The following PPARA variants were observed in gnomAD, a reference collection of about 807,000 sequenced individuals.
PPARA encodes the protein peroxisome proliferator activated receptor alpha.
In PPARA, 22 loss-of-function variants were observed where a neutral mutation model predicts 42.2. That is an observed-to-expected ratio of 0.52 (90% CI 0.37 to 0.74). The LOEUF is 0.74. PPARA is among the 30% of genes least tolerant of loss of function. The probability of loss-of-function intolerance (pLI) is 0.00; values close to 1 mark genes in which losing one functional copy is unlikely to be tolerated. For missense variants in PPARA, 465 were observed against 608.2 expected, an observed-to-expected ratio of 0.76 and a Z score of 2.48; for synonymous variants, 242 against 239.3, an observed-to-expected ratio of 1.01 and a Z score of -0.10.
chr22:46,240,624 C>G lies in PPARA; in HGVS notation c.*5244C>G, dbSNP rs1035907767. Reference sequence around the variant, plus strand: ...TCACCCATGAAGACTGATGCCACCACCTGAAGGCTCATGATTGTTAAAAAT... The same window carrying G: ...TCACCCATGAAGACTGATGCCACCAGCTGAAGGCTCATGATTGTTAAAAAT... On this transcript the variant is annotated 3_prime_UTR_variant, in exon 9 of 9. Transcript: ENST00000407236. This position sits in a 1 kb window ranked among gnomAD's most constrained non-coding sequence, Gnocchi z 6.0. 2 of 176,364 alleles carry G rather than the reference C, an allele frequency of 1.1e-5. No individual in the cohort carries two copies. The highest frequency in any genetic ancestry group is 6.3e-5 in the Admixed American group (1 of 15,978). The allele number at this position is 176,364 out of a possible 1,614,324, so 10.9% of individuals were successfully genotyped here.
At chr22:46,152,413 G>T (rs1287804514) in intron 2 of PPARA, among the ~76,000 whole-genome samples, 1 of 152,126 alleles carries the variant, frequency 6.6e-6, no homozygotes, top group Non-Finnish European at 1.5e-5. Context: ...GATTACAGAC[G>T]TGAGCCACCG....
intron 4 of PPARA, among the ~76,000 whole-genome samples, chr22:46,205,631 A>G (rs1237880526): frequency 2.4e-5 from 3 of 125,516 alleles, no homozygotes; most frequent in African/African-American, 6.2e-5. Flanking sequence ...CAGTGGTGCA[A>G]TCTTAGCTCA....
At chr22:46,185,915 A>ATT (rs1930660552) in intron 3 of PPARA, among the ~76,000 whole-genome samples, 1 of 47,142 alleles carries the variant, frequency 2.1e-5, no homozygotes, top group African/African-American at 1.1e-4. Context: ...AAAAAAAAAA[A>ATT]AATATATATA....
In PPARA at chr22:46,160,594, C is replaced by T. The variant is rs979405429; in HGVS notation, c.-127+8624C>T. ...TACAGGCGTGAGCCACCGCACCTGG[C>T]CCAATATTGTTTGTTTATTTATTTC... is the stretch of plus-strand genomic sequence containing the variant. On this transcript the variant is annotated intron_variant, in intron 2 of 8. Coordinates refer to ENST00000407236, the MANE Select transcript of PPARA (RefSeq NM_005036.6). The surrounding 1 kb of genome is among the most constrained non-coding windows in gnomAD (Gnocchi z 4.5). Among the ~76,000 whole-genome samples, 1 of 151,736 alleles carries T rather than the reference C, an allele frequency of 6.6e-6. No homozygotes were observed. The highest frequency in any genetic ancestry group is 1.5e-5 in the Non-Finnish European group (1 of 67,984).
In PPARA at chr22:46,172,637, T is replaced by C. The variant is rs144184869; in HGVS notation, c.-126-4116T>C. On this transcript the variant is annotated intron_variant, in intron 2 of 8. Transcript: ENST00000407236. ...CATCTCAAAAAAGAAAAAAACAGACTTTCCGACCAAACGATCGACAAACCA... is the reference window on the plus strand; with the variant it reads ...CATCTCAAAAAAGAAAAAAACAGACCTTCCGACCAAACGATCGACAAACCA... Among the ~76,000 whole-genome samples, 371 of 152,200 alleles carry C rather than the reference T, an allele frequency of 2.4e-3. 2 individuals carry two copies. The highest frequency in any genetic ancestry group is 8.7e-3 in the African/African-American group (362 of 41,536).
intron 7 of PPARA, among the ~76,000 whole-genome samples, chr22:46,228,141 G>A (rs1935599374): frequency 6.6e-6 from 1 of 152,244 alleles, no homozygotes; most frequent in Non-Finnish European, 1.5e-5. Context: ...GTGAGCCTCA[G>A]GGGCATGCAA....
Position 46,211,263 on chromosome 22 carries a change from A to G in PPARA, c.209-3910A>G, listed in dbSNP as rs1933900281. Among the ~76,000 whole-genome samples the G allele has an allele frequency of 6.6e-6, 1 of 152,130 alleles. No homozygotes were observed. Among genetic ancestry groups the G allele is most frequent in the African/African-American group, 2.4e-5 (1 of 41,418 alleles). ...CATCTGTTACCAGATGGATCGTTCT[A>G]GCCTCCTCCACTTGCCTACCTGTCA... On this transcript the variant is annotated intron_variant, in intron 4 of 8. Coordinates refer to ENST00000407236, the MANE Select transcript of PPARA (RefSeq NM_005036.6). The surrounding 1 kb of genome is among the most constrained non-coding windows in gnomAD (Gnocchi z 4.1).
rs761627417 is a variant in PPARA at position 46,225,175 on chromosome 22, CTG to C, written c.711+5165_711+5166del. On this transcript the variant is annotated intron_variant, in intron 7 of 8. Coordinates refer to ENST00000407236, the MANE Select transcript of PPARA (RefSeq NM_005036.6). The surrounding 1 kb of genome is among the most constrained non-coding windows in gnomAD (Gnocchi z 4.1). ...GGAGTGAGGGGTGGATGGAGAATGT[CTG>C]TGTCCATCTGGACACTGGGACTGTT... Among the ~76,000 whole-genome samples, 1 of 152,134 alleles carries C rather than the reference CTG, an allele frequency of 6.6e-6. No individual in the cohort carries two copies. Among genetic ancestry groups the C allele is most frequent in the Non-Finnish European group, 1.5e-5 (1 of 68,018 alleles).
intron 4 of PPARA, among the ~76,000 whole-genome samples, chr22:46,199,684 C>G (rs1194042532): frequency 2.0e-5 from 3 of 152,156 alleles, no homozygotes; most frequent in African/African-American, 7.2e-5. Context: ...AATAAACAAG[C>G]TTAATGAATA....
In PPARA at chr22:46,225,865, C is replaced by T. The variant is rs893691894; in HGVS notation, c.711+5851C>T. Among the ~76,000 whole-genome samples, 1 of 149,440 alleles carries T rather than the reference C, an allele frequency of 6.7e-6. No individual in the cohort carries two copies. Among genetic ancestry groups the T allele is most frequent in the Admixed American group, 6.7e-5 (1 of 15,028 alleles). ...CACACACGCACACACACACATGCAC[C>T]CACACATGGATACACGCACACTCAC... On this transcript the variant is annotated intron_variant, in intron 7 of 8. Coordinates refer to ENST00000407236, the MANE Select transcript of PPARA (RefSeq NM_005036.6). The surrounding 1 kb of genome is among the most constrained non-coding windows in gnomAD (Gnocchi z 4.1).
chr22:46,154,547 A>G (rs1346730724), intron 2 of PPARA, among the ~76,000 whole-genome samples: 1 of 151,994 alleles, frequency 6.6e-6, no homozygotes, highest in Non-Finnish European at 1.5e-5. Flanking sequence ...GAGCCTGAGA[A>G]GTGGAGGTTG....
Position 46,243,237 on chromosome 22 carries a change from AAC to A in PPARA, c.*7862_*7863del, listed in dbSNP as rs1013822662. ...AACCCTAAGAGAGAGGGTTGACAGA[AAC>A]ACACGCGAGAATGAGGCAGATCCCA... On this transcript the variant is annotated 3_prime_UTR_variant, in exon 9 of 9. Transcript: ENST00000407236. This position sits in a 1 kb window ranked among gnomAD's most constrained non-coding sequence, Gnocchi z 5.0. 14 of 152,254 alleles carry A rather than the reference AAC, an allele frequency of 9.2e-5. 2 individuals carry two copies. Among genetic ancestry groups the A allele is most frequent in the Admixed American group, 3.3e-4 (5 of 15,280 alleles). The allele number at this position is 152,254 out of a possible 1,614,324, so 9.4% of individuals were successfully genotyped here.
Position 46,180,582 on chromosome 22 carries a change from A to G in PPARA, c.-43+3746A>G, listed in dbSNP as rs1929811264. 1.3e-5 allele frequency among the ~76,000 whole-genome samples: 2 copies of G among 152,220 alleles called. No individual in the cohort carries two copies. The highest frequency in any genetic ancestry group is 4.8e-5 in the African/African-American group (2 of 41,448). Reference sequence around the variant, plus strand: ...TTTCTTAAGATGTAAGGCATGTCACAAGAATATCACAAGATGATAACGGCC... The same window carrying G: ...TTTCTTAAGATGTAAGGCATGTCACGAGAATATCACAAGATGATAACGGCC... On this transcript the variant is annotated intron_variant, in intron 3 of 8. Coordinates refer to ENST00000407236, the MANE Select transcript of PPARA (RefSeq NM_005036.6). The surrounding 1 kb of genome is among the most constrained non-coding windows in gnomAD (Gnocchi z 4.2).
intron 2 of PPARA, among the ~76,000 whole-genome samples, chr22:46,174,119 A>G (rs1432687552): frequency 1.3e-5 from 2 of 151,252 alleles, no homozygotes; most frequent in African/African-American, 4.9e-5. Context: ...CAGAGGTTAC[A>G]GTGAGCCGAG....
chr22:46,151,227 C>T (rs1924372036), intron 1 of PPARA: 1 of 152,302 alleles, frequency 6.6e-6, no homozygotes, highest in South Asian at 2.1e-4. Context: ...GTGTTTGTTC[C>T]TCCAGCTGCG....
chr22:46,241,915 A>G lies in PPARA; in HGVS notation c.*6535A>G, dbSNP rs1386383459. 4.1e-4 allele frequency: 31 copies of G among 74,988 alleles called. No individual in the cohort carries two copies. Among genetic ancestry groups the G allele is most frequent in the Middle Eastern group, 6.0e-3 (1 of 168 alleles). The allele number at this position is 74,988 out of a possible 1,614,324, so 4.6% of individuals were successfully genotyped here. A position where few individuals can be genotyped will look rare whatever the true frequency, so the allele number is the denominator to read the frequency against. ...CATGGCTGTTAGATGGATTATTTGA[A>G]AAAAAAAAAAAAAAAAGAGAGAAAA... On this transcript the variant is annotated 3_prime_UTR_variant, in exon 9 of 9. Coordinates refer to ENST00000407236, the MANE Select transcript of PPARA (RefSeq NM_005036.6). The surrounding 1 kb of genome is among the most constrained non-coding windows in gnomAD (Gnocchi z 5.7).
At chr22:46,158,049 T>C (rs957511609) in intron 2 of PPARA, among the ~76,000 whole-genome samples, 1 of 152,176 alleles carries the variant, frequency 6.6e-6, no homozygotes, top group Non-Finnish European at 1.5e-5. Flanking sequence ...TGGTTTGAGA[T>C]GAGGCTATAG....
At chr22:46,199,785 T>A (rs1399801610) in intron 4 of PPARA, among the ~76,000 whole-genome samples, 1 of 152,212 alleles carries the variant, frequency 6.6e-6, no homozygotes, top group Non-Finnish European at 1.5e-5. Flanking sequence ...TGCAGTGGTA[T>A]GATCTCAGCC....
chr22:46,161,942 C>T lies in PPARA; in HGVS notation c.-127+9972C>T, dbSNP rs1926241938. Among the ~76,000 whole-genome samples the T allele has an allele frequency of 6.6e-6, 1 of 152,196 alleles. No homozygotes were observed. Among genetic ancestry groups the T allele is most frequent in the Non-Finnish European group, 1.5e-5 (1 of 68,042 alleles). On this transcript the variant is annotated intron_variant, in intron 2 of 8. Coordinates refer to ENST00000407236, the MANE Select transcript of PPARA (RefSeq NM_005036.6). This position sits in a 1 kb window ranked among gnomAD's most constrained non-coding sequence, Gnocchi z 4.8. ...CACCCACCCGCCTTCCAGATGTCAC[C>T]TGGGCCCTCCCGGAGGCCCTCGCCC...
Sources: allele counts gnomAD v4.1 joint callset (sites outside exome capture counted in the v4.1 genomes callset), GRCh38; gene constraint gnomAD v4.1.1; non-coding constraint Gnocchi (gnomAD v3.1); transcripts MANE v1.5; gene names NCBI Gene and HGNC (gene_info 2026-07-23, HGNC 2026-07-21).